Variants in GTF2H2 observed in about 807,000 individuals in gnomAD.
The protein encoded by GTF2H2 is TFIIH basal transcription factor complex p44 subunit.
GTF2H2 carries 2 observed loss-of-function variants against 16.5 expected under a neutral mutation model. The ratio of observed to expected loss-of-function variants is 0.12; its 90% CI spans 0.05 to 0.38. The LOEUF is 0.38. GTF2H2 is among the 10% of genes least tolerant of loss of function. The pLI, the probability that GTF2H2 is intolerant of heterozygous loss-of-function variation, is 0.99. For synonymous variants in GTF2H2, 8 were observed against 44.1 expected (o/e 0.18, Z 3.24); for missense variants, 20 against 137.0 (o/e 0.15, Z 4.26).
chr5:71,053,376 A>G (rs1752923116), intron 8 of GTF2H2, among the ~76,000 whole-genome samples: 1 of 141,464 alleles, frequency 7.1e-6, no homozygotes, highest in African/African-American at 2.7e-5. Context: ...AACACACGTA[A>G]CACTTATCAA....
intron 8 of GTF2H2, among the ~76,000 whole-genome samples, chr5:71,052,190 C>T (rs1444259416): frequency 2.1e-5 from 3 of 142,104 alleles, no homozygotes; most frequent in South Asian, 2.1e-4. Flanking sequence ...TATTTTGAGA[C>T]GGAGTCTCAC....
intron 14 of GTF2H2, among the ~76,000 whole-genome samples, chr5:71,037,792 C>T (rs1458980000): frequency 2.9e-5 from 2 of 69,290 alleles, no homozygotes; most frequent in African/African-American, 5.6e-5. Context: ...GCCAACATGG[C>T]GAAACCCCAT....
chr5:71,045,053 C>T (rs1480589247), intron 12 of GTF2H2, among the ~76,000 whole-genome samples: 1 of 140,904 alleles, frequency 7.1e-6, no homozygotes, highest in African/African-American at 2.9e-5. Flanking sequence ...ACACATTTCT[C>T]GGAATGTATC....
At chr5:71,054,712 C>CGTGTGTGTGTGTGTGT (rs750011504) in intron 8 of GTF2H2, among the ~76,000 whole-genome samples, 1 of 105,272 alleles carries the variant, frequency 9.5e-6, no homozygotes, top group South Asian at 3.2e-4. Flanking sequence ...TATATATATA[C>CGTGTGTGTGTGTGTGT]GTGTGTGTGT....
intron 14 of GTF2H2, among the ~76,000 whole-genome samples, chr5:71,038,103 TTTTTCTTTG>T (rs1385445303): frequency 1.2e-5 from 1 of 81,594 alleles, no homozygotes; most frequent in Non-Finnish European, 2.5e-5. Context: ...GCATGCTTTA[TTTTTCTTTG>T]TTTTCGAGTC....
In GTF2H2 at chr5:71,055,386, A is replaced by G. The variant is rs544203726; in HGVS notation, c.436T>C (p.Tyr146His). 6.0e-5 allele frequency: 95 copies of G among 1,578,414 alleles called. 5 individuals are homozygous for G. The East Asian group carries it at 2.0e-3, about 33-fold the overall frequency. ...TGCATAGCTATGCTTAGGGAATTAT[A>G]AAGAGATGGCTCTCCATGGCAGGTC... The change falls in exon 8 of 16, where the codon TAT (tyrosine) becomes CAT (histidine). Residue 146 changes from tyrosine to histidine, a missense_variant. Tyr to His is a moderately conservative substitution (Grantham distance 83, BLOSUM62 2). This residue lies in a region of GTF2H2 where 19 missense variants were observed against 58.8 expected (regional missense o/e 0.32). Coordinates refer to ENST00000274400, the Ensembl canonical transcript of GTF2H2.
intron 14 of GTF2H2, among the ~76,000 whole-genome samples, chr5:71,037,974 C>CA (rs1164937065): frequency 0.48 from 4,081 of 8,510 alleles, 1,284 homozygotes; most frequent in African/African-American, 0.52. Flanking sequence ...CTCTGACTCA[C>CA]AAAAAAAAAA....
rs1297498366 is a variant in GTF2H2 at position 71,054,751 on chromosome 5, G to GTGTGTGTGTA, written c.470+600_470+601insTACACACACA. Among the ~76,000 whole-genome samples, 17 of 126,982 alleles carry GTGTGTGTGTA rather than the reference G, an allele frequency of 1.3e-4. No homozygotes were observed. The South Asian group carries it at 4.3e-3, about 32-fold the overall frequency. 83.3% of individuals were successfully genotyped at this position (126,982 alleles called of 152,430 possible). A position where few individuals can be genotyped will look rare whatever the true frequency, so the allele number is the denominator to read the frequency against. On this transcript the variant is annotated intron_variant, in intron 8 of 15. Coordinates refer to ENST00000274400, the Ensembl canonical transcript of GTF2H2. The stretch of plus-strand genomic sequence containing the variant: ...TGTGTGTGTGTGTGTGTGTGTGTGT[G>GTGTGTGTGTA]TATATATATAATAGATATATAAGCT...
chr5:71,052,892 G>A, intron 8 of GTF2H2, among the ~76,000 whole-genome samples: 1 of 83,730 alleles, frequency 1.2e-5, no homozygotes, highest in Non-Finnish European at 2.3e-5. Flanking sequence ...CTACATACAG[G>A]TGCTCGCCAC....
chr5:71,051,129 G>A (rs1486507330), intron 8 of GTF2H2, among the ~76,000 whole-genome samples: 2 of 141,098 alleles, frequency 1.4e-5, no homozygotes, highest in East Asian at 4.0e-4. Context: ...TTACAGGCAT[G>A]AGCCACCATG....
chr5:71,051,878 T>TACA (rs1205705180), intron 8 of GTF2H2, among the ~76,000 whole-genome samples: 10 of 124,830 alleles, frequency 8.0e-5, no homozygotes, highest in Admixed American at 4.2e-4. Flanking sequence ...ACCCTACCTC[T>TACA]ACAACAACAA....
Position 71,061,078 on chromosome 5 carries a change from G to A in GTF2H2, c.172-148C>T, listed in dbSNP as rs1581006644. The A allele has an allele frequency of 8.2e-4, 71 of 87,084 alleles. No homozygotes were observed. The South Asian group carries it at 9.0e-3, about 11-fold the overall frequency. 5.4% of individuals were successfully genotyped at this position (87,084 alleles called of 1,614,324 possible). On this transcript the variant is annotated intron_variant, in intron 4 of 15. Coordinates refer to ENST00000274400, the Ensembl canonical transcript of GTF2H2. ...CCCAAAGTGCTGGGATTATAGGCAT[G>A]AGCCACTGTGCCCAGCCTCAAGTGC...
chr5:71,052,086 C>A (rs1752770538), intron 8 of GTF2H2, among the ~76,000 whole-genome samples: 1 of 141,592 alleles, frequency 7.1e-6, no homozygotes, highest in African/African-American at 2.7e-5. Context: ...TTAGTGTAGT[C>A]ACCTTCATCA....
rs1336144466 is a variant in GTF2H2 at position 71,036,404 on chromosome 5, TA to T, written c.1069-609del. Reference sequence around the variant, plus strand: ...CTCAGAAGTATTTGGCTTTGAATAATAAAAAAAAAAAGAATGAATAAATAAA... The same window carrying T: ...CTCAGAAGTATTTGGCTTTGAATAATAAAAAAAAAAGAATGAATAAATAAA... On this transcript the variant is annotated intron_variant, in intron 15 of 15. Transcript: ENST00000274400. Among the ~76,000 whole-genome samples, 111 of 80,082 alleles carry T rather than the reference TA, an allele frequency of 1.4e-3. 9 individuals carry two copies. Among genetic ancestry groups the T allele is most frequent in the Middle Eastern group, 5.2e-3 (1 of 192 alleles). The allele number at this position is 80,082 out of a possible 152,430, so 52.5% of individuals were successfully genotyped here. A position where few individuals can be genotyped will look rare whatever the true frequency, so the allele number is the denominator to read the frequency against.
At chr5:71,044,148 G>A (rs1752167629) in intron 12 of GTF2H2, among the ~76,000 whole-genome samples, 1 of 121,300 alleles carries the variant, frequency 8.2e-6, no homozygotes, top group African/African-American at 3.3e-5. Context: ...CATTACTGTG[G>A]ACTCTATTCA....
In GTF2H2 at chr5:71,054,322, G is replaced by A. The variant is rs1406035794; in HGVS notation, c.470+1030C>T. 4.9e-4 allele frequency among the ~76,000 whole-genome samples: 71 copies of A among 145,978 alleles called. 7 individuals are homozygous for A. The highest frequency in any genetic ancestry group is 1.7e-4 in the Non-Finnish European group (11 of 66,516). ...TTCTCAGCTCTCACTGGTAGACCCT[G>A]CTACTGTACTTACCTCTATTACATG... is the stretch of plus-strand genomic sequence containing the variant. On this transcript the variant is annotated intron_variant, in intron 8 of 15. Coordinates refer to ENST00000274400, the Ensembl canonical transcript of GTF2H2.
rs1469051473 is a variant in GTF2H2 at position 71,051,688 on chromosome 5, ACTT to A, written c.471-2533_471-2531del. Among the ~76,000 whole-genome samples, 24 of 138,090 alleles carry A rather than the reference ACTT, an allele frequency of 1.7e-4. 4 individuals are homozygous for A. The highest frequency in any genetic ancestry group is 6.2e-4 in the African/African-American group (22 of 35,576). The allele number at this position is 138,090 out of a possible 152,430, so 90.6% of individuals were successfully genotyped here. On this transcript the variant is annotated intron_variant, in intron 8 of 15. Coordinates refer to ENST00000274400, the Ensembl canonical transcript of GTF2H2. ...CATGAAGCTCTGAAACCAGGCATTC[ACTT>A]CTTCTAGCTATGAAAATCCTAGATG...
At chr5:71,046,584 TA>T (rs1752369000) in intron 11 of GTF2H2, among the ~76,000 whole-genome samples, 1 of 136,114 alleles carries the variant, frequency 7.3e-6, no homozygotes, top group African/African-American at 2.7e-5. Context: ...ATTTTTCTAT[TA>T]AAAGTTATAC....
chr5:71,052,930 T>G (rs1324596024), intron 8 of GTF2H2, among the ~76,000 whole-genome samples: 1 of 106,832 alleles, frequency 9.4e-6, no homozygotes, highest in Admixed American at 9.9e-5. Flanking sequence ...TTTTTTTTTT[T>G]TTTTTTTTTT....
Sources: allele counts gnomAD v4.1 joint callset (sites outside exome capture counted in the v4.1 genomes callset), GRCh38; gene constraint gnomAD v4.1.1; regional missense constraint gnomAD v4.1.1; transcripts MANE v1.5; gene names NCBI Gene and HGNC (gene_info 2026-07-23, HGNC 2026-07-21).